PPP1R9A: variants seen among roughly 807,000 people sequenced by gnomAD.
The protein encoded by PPP1R9A is neurabin-1.
Under a neutral mutation model 141.9 loss-of-function variants are expected in PPP1R9A, and 59 were observed. The ratio of observed to expected loss-of-function variants is 0.42; its 90% CI spans 0.34 to 0.52. The LOEUF (loss-of-function observed/expected upper bound fraction) is 0.52, where lower values mean the gene tolerates loss of function less well. Among genes scored for constraint, PPP1R9A ranks in the 20% least tolerant of loss-of-function variants. The pLI is 0.10. For missense variants in PPP1R9A, 1,444 were observed against 1,611.9 expected (o/e 0.90, Z 1.78); for synonymous variants, 500 against 569.7 (o/e 0.88, Z 1.74).
intron 8 of PPP1R9A, among the ~76,000 whole-genome samples, chr7:95,237,415 C>T (rs1336463179): frequency 6.6e-6 from 1 of 151,864 alleles, no homozygotes; most frequent in East Asian, 1.9e-4. Flanking sequence ...AGGCTGTTCT[C>T]AAACTCCTGA....
chr7:94,978,701 A>G (rs184390757), intron 2 of PPP1R9A, among the ~76,000 whole-genome samples: 1 of 152,310 alleles, frequency 6.6e-6, no homozygotes, highest in East Asian at 1.9e-4. Context: ...TACTGTTTCA[A>G]CTTTTCAACA....
intron 3 of PPP1R9A, among the ~76,000 whole-genome samples, chr7:95,118,722 A>C (rs7779713): frequency 2.0e-5 from 3 of 151,526 alleles, no homozygotes; most frequent in African/African-American, 7.3e-5. Context: ...CCATAATACC[A>C]GCACTTTGGG....
At chr7:95,021,402 T>C (rs1403381533) in intron 2 of PPP1R9A, among the ~76,000 whole-genome samples, 2 of 152,074 alleles carry the variant, frequency 1.3e-5, no homozygotes, top group Non-Finnish European at 2.9e-5. Flanking sequence ...TTGCAAAAAT[T>C]TTCTCCCATT....
intron 2 of PPP1R9A, among the ~76,000 whole-genome samples, chr7:94,920,001 C>T (rs1227810941): frequency 1.8e-4 from 27 of 151,948 alleles, no homozygotes; most frequent in Admixed American, 1.8e-3. Context: ...TTGTACTATA[C>T]CATAATCATA....
chr7:95,016,962 G>C (rs140825536), intron 2 of PPP1R9A, among the ~76,000 whole-genome samples: 1 of 152,032 alleles, frequency 6.6e-6, no homozygotes, highest in Non-Finnish European at 1.5e-5. Context: ...ATTTAGGGTG[G>C]GTCCTAATCC....
chr7:95,287,745 G>A (rs1004844543), intron 18 of PPP1R9A, among the ~76,000 whole-genome samples: 2 of 152,068 alleles, frequency 1.3e-5, no homozygotes, highest in Non-Finnish European at 2.9e-5. Flanking sequence ...GAGTGCAGTG[G>A]CACAATCTTG....
chr7:95,215,249 A>C (rs1793091630), intron 7 of PPP1R9A, among the ~76,000 whole-genome samples: 1 of 151,180 alleles, frequency 6.6e-6, no homozygotes, highest in South Asian at 2.1e-4. Flanking sequence ...GCAACAGTTT[A>C]CTGAGAATGA....
chr7:95,069,066 A>C (rs144465712), intron 2 of PPP1R9A, among the ~76,000 whole-genome samples: 135 of 152,292 alleles, frequency 8.9e-4, no homozygotes, highest in African/African-American at 3.2e-3. Flanking sequence ...ATGTGATGTA[A>C]ATGCTGTGTA....
At chr7:94,980,747 G>A (rs1029939351) in intron 2 of PPP1R9A, among the ~76,000 whole-genome samples, 1 of 152,064 alleles carries the variant, frequency 6.6e-6, no homozygotes, top group Non-Finnish European at 1.5e-5. Flanking sequence ...TACTGTGACA[G>A]TGTACATAAA....
intron 2 of PPP1R9A, among the ~76,000 whole-genome samples, chr7:94,973,563 T>A (rs1799095084): frequency 6.6e-6 from 1 of 152,166 alleles, no homozygotes; most frequent in Non-Finnish European, 1.5e-5. Flanking sequence ...AATGAACATT[T>A]GTAATCAGAG....
rs6967197 is a variant in PPP1R9A at position 95,038,218 on chromosome 7, C to T, written c.1396-73041C>T. 7.5e-3 allele frequency among the ~76,000 whole-genome samples: 1,147 copies of T among 152,198 alleles called. 11 individuals are homozygous for T. The highest frequency in any genetic ancestry group is 0.026 in the African/African-American group (1,088 of 41,530). ...ACCCTGAAGCAGATATTTGAGGTTA[C>T]AGGGCAAACCCCCTCCCTGAAATCT... On this transcript the variant is annotated intron_variant, in intron 2 of 19. Coordinates refer to ENST00000433360, the MANE Select transcript of PPP1R9A (RefSeq NM_001166160.2).
intron 1 of PPP1R9A, chr7:94,908,345 C>T (rs1021186773): frequency 6.6e-6 from 1 of 152,070 alleles, no homozygotes. Context: ...ATTTTCATTA[C>T]CCTGTAATTT....
At chr7:95,205,486 C>A (rs1367160948) in intron 7 of PPP1R9A, among the ~76,000 whole-genome samples, 2 of 152,128 alleles carry the variant, frequency 1.3e-5, no homozygotes, top group Non-Finnish European at 2.9e-5. Context: ...ATTTTTCTGA[C>A]TTTAAAAACA....
At chr7:94,924,560 G>T (rs1157858620) in intron 2 of PPP1R9A, among the ~76,000 whole-genome samples, 1 of 152,108 alleles carries the variant, frequency 6.6e-6, no homozygotes, top group Non-Finnish European at 1.5e-5. Context: ...ACGGAGTCTT[G>T]CTCTGTTGCC....
rs369182368 is a variant in PPP1R9A, at chr7:95,295,913, G to T, written c.*5610G>T. 1 of 152,324 alleles carries T rather than the reference G, an allele frequency of 6.6e-6. No homozygotes were observed. Among genetic ancestry groups the T allele is most frequent in the South Asian group, 2.1e-4 (1 of 4,814 alleles). 9.4% of individuals were successfully genotyped at this position (152,324 alleles called of 1,614,324 possible). ...ACTACTGCTTTTATATTTTTTAATG[G>T]TGTTGCAACCACTTGTACACCTGCT... On this transcript the variant is annotated 3_prime_UTR_variant, in exon 20 of 20. Coordinates refer to ENST00000433360, the MANE Select transcript of PPP1R9A (RefSeq NM_001166160.2).
chr7:95,072,668 A>G (rs1340159867), intron 2 of PPP1R9A, among the ~76,000 whole-genome samples: 29 of 122,236 alleles, frequency 2.4e-4, no homozygotes, highest in Non-Finnish European at 1.8e-4. Context: ...TATATATTAT[A>G]TATTATATTA....
chr7:95,049,440 C>T (rs1810485306), intron 2 of PPP1R9A, among the ~76,000 whole-genome samples: 2 of 152,140 alleles, frequency 1.3e-5, no homozygotes, highest in South Asian at 4.1e-4. Context: ...AGAGAGGCTC[C>T]ATACATACCC....
At chr7:95,041,700 A>C (rs1809271499) in intron 2 of PPP1R9A, among the ~76,000 whole-genome samples, 1 of 152,154 alleles carries the variant, frequency 6.6e-6, no homozygotes. Context: ...GAATAATTGA[A>C]TATTTATTGA....
intron 2 of PPP1R9A, among the ~76,000 whole-genome samples, chr7:94,916,490 G>C (rs547302115): frequency 6.6e-6 from 1 of 152,258 alleles, no homozygotes; most frequent in Admixed American, 6.5e-5. Context: ...TGCTATATCT[G>C]GTTGGGTGGA....
Sources: gnomAD v4.1 joint callset for allele counts (sites outside exome capture counted in the v4.1 genomes callset) on GRCh38, gnomAD v4.1.1 for gene constraint, MANE v1.5 for transcripts, NCBI Gene and HGNC (gene_info 2026-07-23, HGNC 2026-07-21) for gene names.